The following IL1RAPL1 variants were observed in gnomAD, a reference collection of about 807,000 sequenced individuals.
IL1RAPL1 encodes the protein interleukin 1 receptor accessory protein like 1, also known as interleukin-1 receptor accessory protein-like 1.
A neutral mutation model predicts 48.4 loss-of-function variants in IL1RAPL1; 3 were observed. That is an observed-to-expected ratio of 0.06 (90% CI 0.03 to 0.16). The LOEUF (loss-of-function observed/expected upper bound fraction) is 0.16. Among genes scored for constraint, IL1RAPL1 ranks in the 10% least tolerant of loss-of-function variants. The pLI is 1.00. For synonymous variants in IL1RAPL1, 185 were observed against 187.7 expected (o/e 0.99, Z 0.12); for missense variants, 349 against 530.6 (o/e 0.66, Z 3.36).
chrX:28,762,543 A>G (rs1424147240), intron 1 of IL1RAPL1, among the ~76,000 whole-genome samples: 1 of 111,171 alleles, frequency 9.0e-6, no homozygotes, highest in Non-Finnish European at 1.9e-5. Context: ...TCTTTCAGAC[A>G]TATCCACATG....
At chrX:29,443,597 T>G (rs778363341) in intron 5 of IL1RAPL1, among the ~76,000 whole-genome samples, 1 of 111,818 alleles carries the variant, frequency 8.9e-6, no homozygotes, top group South Asian at 3.7e-4. Flanking sequence ...GTCAGGTTCT[T>G]ACCTCTGACT....
At chrX:28,632,184 G>A (rs1006767929) in intron 1 of IL1RAPL1, among the ~76,000 whole-genome samples, 2 of 111,547 alleles carry the variant, frequency 1.8e-5, no homozygotes, top group African/African-American at 3.3e-5. Flanking sequence ...TCAAGGTGTC[G>A]TTAATGGTGG....
intron 6 of IL1RAPL1, among the ~76,000 whole-genome samples, chrX:29,761,330 G>T (rs1313872323): frequency 1.8e-5 from 2 of 110,635 alleles, no homozygotes; most frequent in Non-Finnish European, 3.8e-5. Context: ...TTATTATACA[G>T]TATATGACAC....
At chrX:28,747,393 T>C (rs1935992174) in intron 1 of IL1RAPL1, among the ~76,000 whole-genome samples, 1 of 111,308 alleles carries the variant, frequency 9.0e-6, no homozygotes, top group South Asian at 3.8e-4. Context: ...CCCAACACTT[T>C]AGGAGGCTGA....
chrX:28,767,619 A>T (rs764062513), intron 1 of IL1RAPL1, among the ~76,000 whole-genome samples: 1 of 110,117 alleles, frequency 9.1e-6, no homozygotes, highest in African/African-American at 3.3e-5. Flanking sequence ...ACATACACAC[A>T]TGTGTGTGTA....
chrX:29,897,563 T>A (rs754147648), intron 6 of IL1RAPL1, among the ~76,000 whole-genome samples: 1 of 112,224 alleles, frequency 8.9e-6, no homozygotes, highest in Non-Finnish European at 1.9e-5. Context: ...CTGTACCAAA[T>A]CCCTGTTTTT....
At chrX:29,739,373 C>G (rs901909266) in intron 6 of IL1RAPL1, among the ~76,000 whole-genome samples, 2 of 111,386 alleles carry the variant, frequency 1.8e-5, no homozygotes, top group African/African-American at 6.5e-5. Context: ...GAAAAGAAAA[C>G]TTCCTTATAC....
chrX:29,535,564 C>G (rs1921204106), intron 5 of IL1RAPL1, among the ~76,000 whole-genome samples: 1 of 111,975 alleles, frequency 8.9e-6, no homozygotes, highest in Admixed American at 9.5e-5. Flanking sequence ...AATTTTCCTA[C>G]TGATAAATCC....
chrX:29,504,449 T>G (rs1230362704), intron 5 of IL1RAPL1, among the ~76,000 whole-genome samples: 1 of 112,034 alleles, frequency 8.9e-6, no homozygotes, highest in Non-Finnish European at 1.9e-5. Context: ...CCCATACTTT[T>G]GTTTTATTGC....
chrX:29,797,326 C>T (rs1929766257), intron 6 of IL1RAPL1, among the ~76,000 whole-genome samples: 1 of 111,988 alleles, frequency 8.9e-6, no homozygotes, highest in Admixed American at 9.5e-5. Context: ...GACCTTTTTC[C>T]AAAGTGGTTG....
At chrX:28,759,669 T>C (rs1036753899) in intron 1 of IL1RAPL1, among the ~76,000 whole-genome samples, 9 of 111,967 alleles carry the variant, frequency 8.0e-5, no homozygotes, top group African/African-American at 2.9e-4. Flanking sequence ...AATATTATTT[T>C]TGAAGTATAG....
chrX:29,700,240 A>G (rs1413320907), intron 6 of IL1RAPL1, among the ~76,000 whole-genome samples: 3 of 112,336 alleles, frequency 2.7e-5, no homozygotes, highest in Non-Finnish European at 5.6e-5. Context: ...ACATCATACA[A>G]TTAATATTTT....
rs760870403 is a variant in IL1RAPL1 at position 29,033,374 on chromosome X, C to CACT, written c.82+243950_82+243952dup. On this transcript the variant is annotated intron_variant, in intron 2 of 10. Transcript: ENST00000378993. ...AGAAAAAAATTTTATTTGAGACAAG[C>CACT]ACTGAATCAGATTTCACAAAGAGGG... 3.8e-3 allele frequency among the ~76,000 whole-genome samples: 425 copies of CACT among 111,287 alleles called. 13 individuals carry two copies. The highest frequency in any genetic ancestry group is 0.036 in the Admixed American group (373 of 10,379).
intron 2 of IL1RAPL1, among the ~76,000 whole-genome samples, chrX:28,795,395 C>G (rs1468962957): frequency 9.0e-6 from 1 of 111,228 alleles, no homozygotes; most frequent in Non-Finnish European, 1.9e-5. Context: ...CTATGAATTT[C>G]CCCACAAACT....
chrX:29,643,342 C>T (rs1169323326), intron 5 of IL1RAPL1, among the ~76,000 whole-genome samples: 1 of 111,373 alleles, frequency 9.0e-6, no homozygotes, highest in Admixed American at 9.6e-5. Flanking sequence ...TGTTTATCAC[C>T]CACTTCTCCA....
At chrX:28,694,967 A>AT (rs907244461) in intron 1 of IL1RAPL1, among the ~76,000 whole-genome samples, 56 of 108,911 alleles carry the variant, frequency 5.1e-4, no homozygotes, top group African/African-American at 1.7e-3. Context: ...ATTCCTGTTA[A>AT]TTTTTTTTTA....
intron 2 of IL1RAPL1, among the ~76,000 whole-genome samples, chrX:29,230,645 C>G (rs1344430126): frequency 1.8e-5 from 2 of 109,222 alleles, no homozygotes; most frequent in East Asian, 5.7e-4. Flanking sequence ...ATCCCATTCT[C>G]TCCTGGATCT....
At chrX:28,978,912 A>G (rs1019669926) in intron 2 of IL1RAPL1, among the ~76,000 whole-genome samples, 11 of 112,260 alleles carry the variant, frequency 9.8e-5, no homozygotes, top group African/African-American at 1.9e-4. Context: ...CAGTAGAATG[A>G]ATGCATTGGA....
At chrX:28,944,287 A>G (rs1397468743) in intron 2 of IL1RAPL1, among the ~76,000 whole-genome samples, 1 of 110,433 alleles carries the variant, frequency 9.1e-6, no homozygotes, top group Non-Finnish European at 1.9e-5. Context: ...AACAGTATTC[A>G]AATATTAGGG....
Sources: allele counts gnomAD v4.1 joint callset (sites outside exome capture counted in the v4.1 genomes callset), GRCh38; gene constraint gnomAD v4.1.1; transcripts MANE v1.5; gene names NCBI Gene and HGNC (gene_info 2026-07-23, HGNC 2026-07-21).